KAZN: variants seen among roughly 807,000 people sequenced by gnomAD.
KAZN encodes the protein kazrin, periplakin interacting protein.
KAZN carries 40 observed loss-of-function variants against 87.4 expected under a neutral mutation model. The ratio of observed to expected loss-of-function variants is 0.46; its 90% confidence interval spans 0.36 to 0.60. KAZN has a LOEUF of 0.60. Ranked by LOEUF, KAZN falls within the 20% of genes least tolerant of loss-of-function variation. The pLI is 0.00. For synonymous variants in KAZN, 466 were observed against 458.3 expected (o/e 1.02, Z -0.22); for missense variants, 898 against 1,073.9 (o/e 0.84, Z 2.29).
chr1:14,599,290 G>T lies in KAZN; in HGVS notation c.226+67G>T. The T allele has an allele frequency of 7.9e-7, 1 of 1,272,176 alleles. No homozygotes were observed. Among genetic ancestry groups the T allele is most frequent in the East Asian group, 3.2e-5 (1 of 31,038 alleles). The allele number at this position is 1,272,176 out of a possible 1,614,324, so 78.8% of individuals were successfully genotyped here. A position where few individuals can be genotyped will look rare whatever the true frequency, so the allele number is the denominator to read the frequency against. On this transcript the variant is annotated intron_variant, in intron 1 of 14. Transcript: ENST00000376030. The surrounding 1 kb of genome is among the most constrained non-coding windows in gnomAD (Gnocchi z 4.4). ...AGCACGCCCGGCCTCGGAGGTGGCC[G>T]GGGACCCGGGGTCCCCCACACCCGG... is the stretch of plus-strand genomic sequence containing the variant.
chr1:13,961,235 C>T (rs995548711), intron 1 of KAZN, among the ~76,000 whole-genome samples: 11 of 152,094 alleles, frequency 7.2e-5, no homozygotes, highest in Admixed American at 2.0e-4. Context: ...ACTTCTACTG[C>T]ACTCAAAGAA....
At chr1:14,402,430 G>A (rs995544043) in intron 2 of KAZN, among the ~76,000 whole-genome samples, 9 of 152,050 alleles carry the variant, frequency 5.9e-5, no homozygotes, top group African/African-American at 1.2e-4. Context: ...CAAAAGCCTT[G>A]CAAGAACTTT....
In KAZN at chr1:14,661,603, A is replaced by G. The variant is rs140453842; in HGVS notation, c.226+62380A>G. Among the ~76,000 whole-genome samples, 532 of 144,674 alleles carry G rather than the reference A, an allele frequency of 3.7e-3. 4 individuals are homozygous for G. Among genetic ancestry groups the G allele is most frequent in the African/African-American group, 0.013 (522 of 39,644 alleles). 94.9% of individuals were successfully genotyped at this position (144,674 alleles called of 152,430 possible). A position where few individuals can be genotyped will look rare whatever the true frequency, so the allele number is the denominator to read the frequency against. On this transcript the variant is annotated intron_variant, in intron 1 of 14. Transcript: ENST00000376030. ...TAGTTTGCTGATCCTGGTTAAGAGC[A>G]TAGTTTCTGGCCAGGCTCTAGCTCA...
chr1:14,241,956 G>T (rs1358645100), intron 2 of KAZN, among the ~76,000 whole-genome samples: 1 of 152,144 alleles, frequency 6.6e-6, no homozygotes, highest in Non-Finnish European at 1.5e-5. Flanking sequence ...GACAATTTTG[G>T]ATTCTTACAA....
intron 1 of KAZN, among the ~76,000 whole-genome samples, chr1:13,988,814 G>A (rs1375733192): frequency 6.6e-6 from 1 of 152,146 alleles, no homozygotes; most frequent in Non-Finnish European, 1.5e-5. Flanking sequence ...TAATCCCTTT[G>A]AGAATGTGTT....
chr1:14,448,179 T>G (rs1667087492), intron 2 of KAZN, among the ~76,000 whole-genome samples: 1 of 152,182 alleles, frequency 6.6e-6, no homozygotes, highest in Non-Finnish European at 1.5e-5. Flanking sequence ...CATACAACAC[T>G]CCATCTTACA....
intron 1 of KAZN, among the ~76,000 whole-genome samples, chr1:14,625,012 T>C (rs1679022118): frequency 1.3e-5 from 2 of 152,054 alleles, no homozygotes; most frequent in African/African-American, 4.8e-5. Context: ...CCCAGATAAA[T>C]TGCTGGTCTG....
chr1:14,114,279 G>T lies in KAZN; in HGVS notation c.92-66156G>T, dbSNP rs528194363. On this transcript the variant is annotated intron_variant, in intron 1 of 16. Coordinates refer to the KAZN transcript ENST00000636203. The stretch of plus-strand genomic sequence containing the variant: ...ATATGTCATGTTTCAGCTGCTGCGT[G>T]GGGGGCCGGCATTGGGGGGATCAGT... 1.8e-4 allele frequency among the ~76,000 whole-genome samples: 27 copies of T among 152,214 alleles called. No homozygotes were observed. The East Asian group carries it at 4.1e-3, about 23-fold the overall frequency.
intron 2 of KAZN, among the ~76,000 whole-genome samples, chr1:14,182,873 C>T (rs1646227321): frequency 2.0e-5 from 3 of 152,102 alleles, no homozygotes; most frequent in Non-Finnish European, 4.4e-5. Flanking sequence ...AACATCCTTT[C>T]GTTCAGTCTG....
intron 2 of KAZN, among the ~76,000 whole-genome samples, chr1:14,593,048 G>A (rs1676296867): frequency 6.6e-6 from 1 of 152,208 alleles, no homozygotes; most frequent in Admixed American, 6.5e-5. Context: ...GGAAGGAAGT[G>A]CAGGCAGTTT....
intron 2 of KAZN, among the ~76,000 whole-genome samples, chr1:14,593,491 A>G (rs982118726): frequency 6.6e-6 from 1 of 152,182 alleles, no homozygotes; most frequent in African/African-American, 2.4e-5. Flanking sequence ...AATTAGCTCA[A>G]GAAAAGGGCA....
At chr1:14,973,198 T>C (rs1349848399) in intron 2 of KAZN, among the ~76,000 whole-genome samples, 1 of 152,198 alleles carries the variant, frequency 6.6e-6, no homozygotes, top group African/African-American at 2.4e-5. Flanking sequence ...TTAATGTTAC[T>C]AAAATATTAC....
At chr1:14,808,871 C>T (rs956701077) in intron 1 of KAZN, among the ~76,000 whole-genome samples, 3 of 152,080 alleles carry the variant, frequency 2.0e-5, no homozygotes, top group Non-Finnish European at 4.4e-5. Flanking sequence ...GTATTTCCTC[C>T]CCTGAATCCT....
intron 1 of KAZN, among the ~76,000 whole-genome samples, chr1:14,726,072 T>G (rs1236761393): frequency 6.6e-6 from 1 of 152,190 alleles, no homozygotes; most frequent in African/African-American, 2.4e-5. Context: ...AGTCAGAGGT[T>G]GGGGAGGAGT....
At chr1:14,096,481 C>A (rs1268198685) in intron 1 of KAZN, among the ~76,000 whole-genome samples, 2 of 152,190 alleles carry the variant, frequency 1.3e-5, no homozygotes, top group Non-Finnish European at 1.5e-5. Context: ...GCTGACAAAA[C>A]CCGAACCTGC....
intron 2 of KAZN, among the ~76,000 whole-genome samples, chr1:14,584,427 G>A (rs1005771069): frequency 6.6e-6 from 1 of 152,190 alleles, no homozygotes; most frequent in African/African-American, 2.4e-5. Context: ...CCACAGAGAG[G>A]AGCAAGAAGG....
chr1:14,842,404 G>C (rs1557545895), intron 1 of KAZN, among the ~76,000 whole-genome samples: 1 of 152,218 alleles, frequency 6.6e-6, no homozygotes, highest in Non-Finnish European at 1.5e-5. Flanking sequence ...AACCAAGGTA[G>C]CACGATGAGA....
intron 1 of KAZN, among the ~76,000 whole-genome samples, chr1:14,668,847 A>C (rs1347131395): frequency 6.6e-6 from 1 of 152,216 alleles, no homozygotes; most frequent in Non-Finnish European, 1.5e-5. Context: ...GCTGCAGCTC[A>C]CGCAGCTTGA....
At chr1:14,800,656 A>T (rs548793517) in intron 1 of KAZN, among the ~76,000 whole-genome samples, 84 of 152,292 alleles carry the variant, frequency 5.5e-4, no homozygotes, top group African/African-American at 2.0e-3. Flanking sequence ...GCGAGCCATG[A>T]TTGCAACACC....
Sources: gnomAD v4.1 joint callset for allele counts (sites outside exome capture counted in the v4.1 genomes callset) on GRCh38, gnomAD v4.1.1 for gene constraint, Gnocchi (gnomAD v3.1) non-coding constraint, MANE v1.5 for transcripts, NCBI Gene and HGNC (gene_info 2026-07-23, HGNC 2026-07-21) for gene names.